The following CACNG5 variants were observed in gnomAD, a reference collection of about 807,000 sequenced individuals.
CACNG5 encodes calcium voltage-gated channel auxiliary subunit gamma 5.
Under a neutral mutation model 24.8 loss-of-function variants are expected in CACNG5, and 18 were observed. The observed-to-expected ratio is 0.73, with a 90% CI of 0.50 to 1.08. CACNG5 has a LOEUF of 1.08. Among genes scored for constraint, CACNG5 ranks in the 50% least tolerant of loss-of-function variants. CACNG5 has a pLI of 0.00. For synonymous variants in CACNG5, 157 were observed against 149.1 expected, an observed-to-expected ratio of 1.05 and a Z score of -0.39; for missense variants, 349 against 367.9, an observed-to-expected ratio of 0.95 and a Z score of 0.42.
At chr17:66,881,290 A>G (rs1404987595) in intron 4 of CACNG5, among the ~76,000 whole-genome samples, 2 of 152,124 alleles carry the variant, frequency 1.3e-5, no homozygotes, top group Admixed American at 6.5e-5. Flanking sequence ...CACTGCACCT[A>G]ATGACTTTTT....
chr17:66,845,205 C>T (rs1169707565), intron 1 of CACNG5, among the ~76,000 whole-genome samples: 7 of 152,116 alleles, frequency 4.6e-5, no homozygotes, highest in African/African-American at 1.7e-4. Context: ...GAAAACCAAA[C>T]ACCGCATGTT....
At chr17:66,840,030 C>T (rs1380536165) in intron 1 of CACNG5, among the ~76,000 whole-genome samples, 1 of 152,212 alleles carries the variant, frequency 6.6e-6, no homozygotes, top group East Asian at 1.9e-4. Flanking sequence ...CCAGCACAGT[C>T]TCTTACTATC....
In CACNG5 at chr17:66,885,305, A is replaced by G. The variant is rs946006611; in HGVS notation, c.*65A>G. The G allele has an allele frequency of 4.7e-5, 70 of 1,505,124 alleles. No individual in the cohort carries two copies. The highest frequency in any genetic ancestry group is 2.4e-4 in the Middle Eastern group (1 of 4,204). 93.2% of individuals were successfully genotyped at this position (1,505,124 alleles called of 1,614,324 possible). A position where few individuals can be genotyped will look rare whatever the true frequency, so the allele number is the denominator to read the frequency against. ...CAACCCTTCCTGTTCTCTCCAGGTG[A>G]CCCCTGAGCCCCAGGCCTGTGGTTG... On this transcript the variant is annotated 3_prime_UTR_variant, in exon 6 of 6. Transcript: ENST00000533854.
intron 1 of CACNG5, among the ~76,000 whole-genome samples, chr17:66,838,463 G>A (rs998974060): frequency 2.0e-5 from 3 of 151,574 alleles, no homozygotes; most frequent in African/African-American, 4.9e-5. Flanking sequence ...GGCAGCCCAT[G>A]GCCAGGCTCC....
intron 1 of CACNG5, among the ~76,000 whole-genome samples, chr17:66,841,670 C>G (rs942874750): frequency 6.6e-6 from 1 of 152,170 alleles, no homozygotes; most frequent in Non-Finnish European, 1.5e-5. Context: ...GGATGGGCAA[C>G]AGGAGACCGG....
intron 5 of CACNG5, 64 bp downstream of exon 5, chr17:66,884,725 G>A (rs754834899): frequency 6.2e-7 from 1 of 1,614,108 alleles, no homozygotes; most frequent in South Asian, 1.1e-5. Flanking sequence ...GAGCCGGGGA[G>A]AGTGGGGATG....
chr17:66,872,830 C>T (rs949634182), intron 1 of CACNG5, among the ~76,000 whole-genome samples: 1 of 152,276 alleles, frequency 6.6e-6, no homozygotes, highest in African/African-American at 2.4e-5. Context: ...ACAATATGCC[C>T]TATAGTATCA....
At chr17:66,879,329 C>T (rs1006231908) in intron 3 of CACNG5, among the ~76,000 whole-genome samples, 1 of 152,202 alleles carries the variant, frequency 6.6e-6, no homozygotes, top group Non-Finnish European at 1.5e-5. Flanking sequence ...GCCTTGACCT[C>T]AACAGAGTCG....
intron 1 of CACNG5, among the ~76,000 whole-genome samples, chr17:66,871,792 G>A (rs904468146): frequency 1.3e-5 from 2 of 150,802 alleles, no homozygotes; most frequent in African/African-American, 4.9e-5. Flanking sequence ...CCTGGGAGGC[G>A]GAGCTTGCAG....
At position 66,887,661 on chromosome 17, in the gene CACNG5, T is replaced by G. The variant is rs1311542104; in HGVS notation, c.*2421T>G. ...TCTTTCTCTGTCACTGTGCCAGGCT[T>G]GTTTTTGGTGCACCTGGAAAAAGTA... On this transcript the variant is annotated 3_prime_UTR_variant, in exon 6 of 6. Transcript: ENST00000533854. Among the ~76,000 whole-genome samples the G allele has an allele frequency of 6.6e-6, 1 of 152,158 alleles. No homozygotes were observed. Among genetic ancestry groups the G allele is most frequent in the African/African-American group, 2.4e-5 (1 of 41,426 alleles).
At chr17:66,870,658 T>C (rs181395166) in intron 1 of CACNG5, among the ~76,000 whole-genome samples, 1 of 152,268 alleles carries the variant, frequency 6.6e-6, no homozygotes, top group African/African-American at 2.4e-5. Flanking sequence ...AGGTGGAACC[T>C]ACATCTCCTC....
chr17:66,858,316 G>C (rs951128664), intron 1 of CACNG5, among the ~76,000 whole-genome samples: 2 of 152,164 alleles, frequency 1.3e-5, no homozygotes, highest in African/African-American at 4.8e-5. Context: ...CTGGACCCGG[G>C]AGTGAAGACA....
At chr17:66,855,978 TTTG>T (rs920790047) in intron 1 of CACNG5, among the ~76,000 whole-genome samples, 3 of 152,326 alleles carry the variant, frequency 2.0e-5, no homozygotes, top group Middle Eastern at 3.4e-3. Context: ...ATCCCAACAT[TTTG>T]TTGTTGTTGT....
At chr17:66,847,979 T>C (rs1976659969) in intron 1 of CACNG5, among the ~76,000 whole-genome samples, 1 of 152,088 alleles carries the variant, frequency 6.6e-6, no homozygotes, top group Non-Finnish European at 1.5e-5. Flanking sequence ...AGTGATGGGG[T>C]CAGGTGGGCC....
At chr17:66,860,830 T>C (rs1422336595) in intron 1 of CACNG5, among the ~76,000 whole-genome samples, 1 of 151,686 alleles carries the variant, frequency 6.6e-6, no homozygotes, top group East Asian at 2.0e-4. Context: ...TAAACTTTCT[T>C]AAAACATTAT....
intron 2 of CACNG5, 98 bp downstream of exon 2, chr17:66,877,626 A>G (rs532438159): frequency 2.9e-6 from 3 of 1,027,380 alleles, no homozygotes; most frequent in South Asian, 3.0e-5. Flanking sequence ...TGCTGGAAGG[A>G]GACCATTCAC....
At chr17:66,836,358 C>T (rs1246460619) in intron 1 of CACNG5, among the ~76,000 whole-genome samples, 2 of 152,242 alleles carry the variant, frequency 1.3e-5, no homozygotes, top group Admixed American at 1.3e-4. Context: ...TCCCAGCCAC[C>T]TCACACCCAT....
intron 1 of CACNG5, among the ~76,000 whole-genome samples, chr17:66,857,447 T>TA (rs1299392324): frequency 6.6e-6 from 1 of 152,210 alleles, no homozygotes; most frequent in Non-Finnish European, 1.5e-5. Context: ...ATAGCCACTC[T>TA]AAAAAAGTAT....
intron 1 of CACNG5, among the ~76,000 whole-genome samples, chr17:66,859,123 G>A (rs7207502): frequency 0.12 from 18,115 of 152,264 alleles, 1,326 homozygotes; most frequent in African/African-American, 0.2. Context: ...CAGAGATGGG[G>A]AGGAGAAAAC....
Sources: gnomAD v4.1 joint callset for allele counts (sites outside exome capture counted in the v4.1 genomes callset) on GRCh38, gnomAD v4.1.1 for gene constraint, MANE v1.5 for transcripts, NCBI Gene and HGNC (gene_info 2026-07-23, HGNC 2026-07-21) for gene names.